Variants in CDK13 observed in about 807,000 individuals in gnomAD.
CDK13 encodes the protein cyclin dependent kinase 13, also known as cyclin-dependent kinase 13.
CDK13 carries 40 observed loss-of-function variants against 137.6 expected under a neutral mutation model. That is an observed-to-expected ratio of 0.29 (90% CI 0.23 to 0.38). The LOEUF (loss-of-function observed/expected upper bound fraction) is 0.38, where lower values mean the gene tolerates loss of function less well. Among genes scored for constraint, CDK13 ranks in the 10% least tolerant of loss-of-function variants. The probability of loss-of-function intolerance (pLI) is 1.00; values close to 1 mark genes in which losing one functional copy is unlikely to be tolerated. For missense variants in CDK13, 1,704 were observed against 1,951.8 expected, an observed-to-expected ratio of 0.87 and a Z score of 2.39; for synonymous variants, 869 against 760.1, an observed-to-expected ratio of 1.14 and a Z score of -2.36.
Position 39,951,587 on chromosome 7 carries a change from C to A in CDK13, c.946C>A (p.Leu316Ile). Reference protein sequence around the residue: ...EPKAYRRRRSLSPLGGRDDSP... With the variant: ...EPKAYRRRRSISPLGGRDDSP... ...TAAGGCCTACAGGCGGCGGCGGTCC[C>A]TCAGCCCACTGGGAGGCCGGGACGA... is the stretch of plus-strand genomic sequence containing the variant. Residue 316 changes from leucine (L) to isoleucine (I), a missense_variant, in exon 1 of 14, where the codon CTC (leucine) becomes ATC (isoleucine). This residue lies in a region of CDK13 where 1,051 missense variants were observed against 931.0 expected (regional missense o/e 1.13). Coordinates refer to ENST00000181839, the MANE Select transcript of CDK13 (RefSeq NM_003718.5). 1.3e-6 allele frequency: 2 copies of A among 1,500,594 alleles called. No homozygotes were observed. The highest frequency in any genetic ancestry group is 5.3e-5 in the East Asian group (2 of 37,386). The allele number at this position is 1,500,594 out of a possible 1,614,324, so 93.0% of individuals were successfully genotyped here.
intron 5 of CDK13, among the ~76,000 whole-genome samples, chr7:40,035,725 T>C (rs1785467055): frequency 6.6e-6 from 1 of 151,992 alleles, no homozygotes; most frequent in African/African-American, 2.4e-5. Flanking sequence ...AGAAATAAAG[T>C]GTACAAGAAA....
intron 5 of CDK13, among the ~76,000 whole-genome samples, chr7:40,009,103 A>C (rs1399717675): frequency 6.6e-6 from 1 of 152,236 alleles, no homozygotes; most frequent in South Asian, 2.1e-4. Context: ...TAAAAGAGAA[A>C]ATAAGATGAC....
chr7:39,987,569 A>G, intron 1 of CDK13, 30 bp from the exon 2 acceptor site: 1 of 1,520,420 alleles, frequency 6.6e-7, no homozygotes, highest in Middle Eastern at 1.8e-4. Context: ...TTTCTCAATT[A>G]CTGATTAAAT....
chr7:40,063,215 G>A (rs1376968866), intron 9 of CDK13, 115 bp downstream of exon 9: 1 of 719,252 alleles, frequency 1.4e-6, no homozygotes, highest in Non-Finnish European at 2.4e-6. Flanking sequence ...TCTCTGGAGG[G>A]CTTATGACTG....
intron 5 of CDK13, among the ~76,000 whole-genome samples, chr7:40,022,560 G>C (rs1785149554): frequency 2.0e-5 from 3 of 152,196 alleles, no homozygotes; most frequent in African/African-American, 7.2e-5. Context: ...CATTGTTCTA[G>C]GTGTTTGGAA....
chr7:40,077,679 A>C (rs930134580), intron 9 of CDK13, among the ~76,000 whole-genome samples: 21 of 152,086 alleles, frequency 1.4e-4, no homozygotes, highest in African/African-American at 4.8e-4. Context: ...ACATGGGGAA[A>C]TCCTGTCTCT....
At chr7:40,013,727 A>G (rs556461639) in intron 5 of CDK13, among the ~76,000 whole-genome samples, 29 of 152,206 alleles carry the variant, frequency 1.9e-4, no homozygotes, top group Non-Finnish European at 3.2e-4. Flanking sequence ...ACTCAAACCA[A>G]TTGAACACTT....
At chr7:39,964,556 C>G (rs375785120) in intron 1 of CDK13, among the ~76,000 whole-genome samples, 1 of 148,634 alleles carries the variant, frequency 6.7e-6, no homozygotes, top group African/African-American at 2.5e-5. Context: ...TTTTGTTGAT[C>G]TTTTAAAAAA....
intron 1 of CDK13, among the ~76,000 whole-genome samples, chr7:39,975,757 T>A (rs1784091209): frequency 6.6e-6 from 1 of 152,164 alleles, no homozygotes; most frequent in Non-Finnish European, 1.5e-5. Context: ...CCAGCATGGC[T>A]GGAGTCTGGT....
chr7:40,035,620 T>C lies in CDK13; in HGVS notation c.2354-10216T>C, dbSNP rs183037878. Among the ~76,000 whole-genome samples, 22 of 151,390 alleles carry C rather than the reference T, an allele frequency of 1.5e-4. No homozygotes were observed. The East Asian group carries it at 4.0e-3, about 27-fold the overall frequency. ...CTCCCATCATCCCCAGATGGGACCA[T>C]CTAGTTGCAGGAAAACCAGCTCAGG... On this transcript the variant is annotated intron_variant, in intron 5 of 13. Coordinates refer to ENST00000181839, the MANE Select transcript of CDK13 (RefSeq NM_003718.5).
chr7:40,030,820 G>T (rs535058726), intron 5 of CDK13, among the ~76,000 whole-genome samples: 3 of 152,000 alleles, frequency 2.0e-5, no homozygotes, highest in Non-Finnish European at 4.4e-5. Flanking sequence ...TGCACCTAAA[G>T]TTCCTCCTTG....
chr7:40,019,951 T>C (rs1207362145), intron 5 of CDK13, among the ~76,000 whole-genome samples: 2 of 152,218 alleles, frequency 1.3e-5, no homozygotes, highest in African/African-American at 2.4e-5. Context: ...AACTGAATGA[T>C]TTTTGCACTT....
In CDK13 at chr7:40,095,126, T is replaced by C. The variant is rs953752548; in HGVS notation, c.*146T>C. The C allele has an allele frequency of 1.1e-5, 7 of 642,268 alleles. No homozygotes were observed. The South Asian group carries it at 4.3e-4, about 39-fold the overall frequency. 39.8% of individuals were successfully genotyped at this position (642,268 alleles called of 1,614,324 possible). ...GAGAAGGGTCTTGCATACAATAGTTTAAAAAAGACAAAAAAAACCTTTGCT... is the reference window on the plus strand; with the variant it reads ...GAGAAGGGTCTTGCATACAATAGTTCAAAAAAGACAAAAAAAACCTTTGCT... On this transcript the variant is annotated 3_prime_UTR_variant, in exon 14 of 14. Transcript: ENST00000181839.
intron 5 of CDK13, among the ~76,000 whole-genome samples, chr7:40,016,267 T>G (rs931490720): frequency 2.0e-5 from 3 of 152,220 alleles, no homozygotes; most frequent in Non-Finnish European, 2.9e-5. Flanking sequence ...TGCCACACAG[T>G]AGTTATGTCA....
At chr7:39,995,435 A>G (rs900965810) in intron 2 of CDK13, among the ~76,000 whole-genome samples, 4 of 152,142 alleles carry the variant, frequency 2.6e-5, no homozygotes, top group African/African-American at 9.7e-5. Flanking sequence ...TTCAGGTGAT[A>G]CCTTTTCTAG....
At chr7:40,065,959 AG>A (rs1225565890) in intron 9 of CDK13, among the ~76,000 whole-genome samples, 1 of 152,170 alleles carries the variant, frequency 6.6e-6, no homozygotes, top group African/African-American at 2.4e-5. Context: ...AGGCCGAGGC[AG>A]GATCACTCGA....
At chr7:40,066,201 T>C (rs1786276201) in intron 9 of CDK13, among the ~76,000 whole-genome samples, 1 of 152,194 alleles carries the variant, frequency 6.6e-6, no homozygotes, top group Non-Finnish European at 1.5e-5. Context: ...TGAGACCATG[T>C]CTCCAAAATA....
intron 12 of CDK13, among the ~76,000 whole-genome samples, chr7:40,088,612 T>C (rs1271968658): frequency 6.6e-6 from 1 of 152,216 alleles, no homozygotes; most frequent in African/African-American, 2.4e-5. Flanking sequence ...TGAGTAGGTC[T>C]TTTACTGACA....
intron 1 of CDK13, among the ~76,000 whole-genome samples, chr7:39,954,247 A>C (rs1443530307): frequency 6.6e-6 from 1 of 152,250 alleles, no homozygotes; most frequent in Non-Finnish European, 1.5e-5. Context: ...GTCCAGCTTA[A>C]AACATAGGGC....
Sources: gnomAD v4.1 joint callset for allele counts (sites outside exome capture counted in the v4.1 genomes callset) on GRCh38, gnomAD v4.1.1 for gene constraint, gnomAD v4.1.1 regional missense constraint, MANE v1.5 for transcripts, NCBI Gene and HGNC (gene_info 2026-07-23, HGNC 2026-07-21) for gene names.